Variants in MECOM observed in about 807,000 individuals in gnomAD.
MECOM encodes the protein histone-lysine N-methyltransferase MECOM.
MECOM carries 13 observed loss-of-function variants against 116.3 expected under a neutral mutation model. The ratio of observed to expected loss-of-function variants is 0.11; its 90% CI spans 0.07 to 0.18. MECOM has a LOEUF of 0.18. MECOM is among the 10% of genes least tolerant of loss of function. MECOM has a pLI of 1.00. For missense variants in MECOM, 1,299 were observed against 1,509.0 expected, an observed-to-expected ratio of 0.86 and a Z score of 2.31; for synonymous variants, 528 against 535.2, an observed-to-expected ratio of 0.99 and a Z score of 0.19.
chr3:169,564,289 G>A (rs1436020959), intron 1 of MECOM, among the ~76,000 whole-genome samples: 1 of 152,132 alleles, frequency 6.6e-6, no homozygotes, highest in Non-Finnish European at 1.5e-5. Context: ...CCATCTGAGA[G>A]TTAAACATTA....
At chr3:169,165,799 A>G (rs1743499588) in intron 2 of MECOM, among the ~76,000 whole-genome samples, 3 of 152,208 alleles carry the variant, frequency 2.0e-5, no homozygotes, top group Admixed American at 1.3e-4. Context: ...AAATTAAATT[A>G]TAACTGCTGA....
chr3:169,344,211 C>T (rs1724995129), intron 2 of MECOM, among the ~76,000 whole-genome samples: 1 of 151,992 alleles, frequency 6.6e-6, no homozygotes, highest in Non-Finnish European at 1.5e-5. Context: ...GGATGTGTGT[C>T]TATATCATGT....
chr3:169,426,882 C>T (rs1016266377), intron 1 of MECOM, among the ~76,000 whole-genome samples: 2 of 152,160 alleles, frequency 1.3e-5, no homozygotes, highest in Non-Finnish European at 2.9e-5. Flanking sequence ...TAATGAATGC[C>T]TACTATGTGC....
intron 1 of MECOM, among the ~76,000 whole-genome samples, chr3:169,481,326 G>A (rs1387861549): frequency 6.6e-6 from 1 of 152,176 alleles, no homozygotes; most frequent in Non-Finnish European, 1.5e-5. Flanking sequence ...GACGAGGCGG[G>A]TGGATCAATT....
chr3:169,242,479 T>A (rs1754993934), intron 2 of MECOM, among the ~76,000 whole-genome samples: 1 of 152,140 alleles, frequency 6.6e-6, no homozygotes, highest in Non-Finnish European at 1.5e-5. Flanking sequence ...TGCCTGCTAT[T>A]CTCCAAGGAG....
At chr3:169,100,101 C>CTTTTTTTTTTTTTTTTTTTT (rs869032341) in intron 12 of MECOM, among the ~76,000 whole-genome samples, 9 of 50,636 alleles carry the variant, frequency 1.8e-4, no homozygotes, top group Non-Finnish European at 2.5e-4. Flanking sequence ...TTCTTTCTTT[C>CTTTTTTTTTTTTTTTTTTTT]TTTTTTTTTT....
chr3:169,227,894 A>T (rs1190616705), intron 2 of MECOM, among the ~76,000 whole-genome samples: 1 of 152,170 alleles, frequency 6.6e-6, no homozygotes, highest in African/African-American at 2.4e-5. Flanking sequence ...CCCAAAACAA[A>T]GGGTGGGTAT....
chr3:169,310,028 C>A (rs1353477093), intron 2 of MECOM, among the ~76,000 whole-genome samples: 1 of 152,210 alleles, frequency 6.6e-6, no homozygotes, highest in Middle Eastern at 3.2e-3. Flanking sequence ...GGACCCTTTT[C>A]CCATTTTCTG....
chr3:169,312,307 A>T (rs1264711341), intron 2 of MECOM, among the ~76,000 whole-genome samples: 2 of 151,312 alleles, frequency 1.3e-5, no homozygotes, highest in East Asian at 1.9e-4. Flanking sequence ...AATTGATGTG[A>T]TTTGATGATT....
rs1017461229 is a variant in MECOM at position 169,365,774 on chromosome 3, C to G, written c.375+15413G>C. ...GTGGTCTCCCTGCCCTCTAAGCCCC[C>G]ACCTGTGCAAGTAAATGTGTATGCA... On this transcript the variant is annotated intron_variant, in intron 2 of 16. Coordinates refer to ENST00000651503, the MANE Select transcript of MECOM (RefSeq NM_004991.4). Among the ~76,000 whole-genome samples, 7 of 152,058 alleles carry G rather than the reference C, an allele frequency of 4.6e-5. No individual in the cohort carries two copies. The East Asian group carries it at 5.9e-4, about 13-fold the overall frequency.
intron 1 of MECOM, among the ~76,000 whole-genome samples, chr3:169,622,107 GAGA>G (rs1310299364): frequency 2.6e-5 from 4 of 152,124 alleles, no homozygotes; most frequent in African/African-American, 7.2e-5. Flanking sequence ...TTTGTTTTTT[GAGA>G]AGAAGTTTCA....
At position 169,107,750 on chromosome 3, in the gene MECOM, C is replaced by T. The variant is rs190436521; in HGVS notation, c.2604+176G>A. Reference sequence around the variant, plus strand: ...TAAACAATTTCTATCCCACTAAATGCCCAATTATAACTGAAAGAATGCAGC... The same window carrying T: ...TAAACAATTTCTATCCCACTAAATGTCCAATTATAACTGAAAGAATGCAGC... On this transcript the variant is annotated intron_variant, in intron 10 of 16. Transcript: ENST00000651503. 1.4e-3 allele frequency among the ~76,000 whole-genome samples: 207 copies of T among 152,230 alleles called. 1 individual carries two copies. The highest frequency in any genetic ancestry group is 3.9e-4 in the East Asian group (2 of 5,194).
intron 3 of MECOM, among the ~76,000 whole-genome samples, chr3:169,138,843 G>A (rs1186675148): frequency 6.6e-6 from 1 of 152,106 alleles, no homozygotes; most frequent in Admixed American, 6.6e-5. Context: ...ATGCAGGAAA[G>A]TGGATTTTTT....
intron 1 of MECOM, among the ~76,000 whole-genome samples, chr3:169,555,258 A>C (rs1761889028): frequency 1.3e-5 from 2 of 152,228 alleles, no homozygotes. Flanking sequence ...AATATGGGCC[A>C]GGCACTCTGC....
intron 2 of MECOM, among the ~76,000 whole-genome samples, chr3:169,369,342 C>CTTTTTTTTTTTTTTT (rs10661629): frequency 2.3e-5 from 2 of 86,962 alleles, no homozygotes; most frequent in African/African-American, 5.0e-5. Context: ...TGATTGCAGC[C>CTTTTTTTTTTTTTTT]TTTTTTTTTT....
chr3:169,442,261 A>G (rs532536352), intron 1 of MECOM, among the ~76,000 whole-genome samples: 1 of 152,240 alleles, frequency 6.6e-6, no homozygotes, highest in Admixed American at 6.5e-5. Context: ...GGGTTTCACC[A>G]TGTTGTCCAG....
rs113343771 is a variant in MECOM, at chr3:169,187,139, A to G, written c.376-43307T>C. On this transcript the variant is annotated intron_variant, in intron 2 of 16. Coordinates refer to ENST00000651503, the MANE Select transcript of MECOM (RefSeq NM_004991.4). ...CATTATGATGCTTTTCATAGTCTTC[A>G]ATGGGGACTACTACCTGGAAAATCA... 6.7e-3 allele frequency among the ~76,000 whole-genome samples: 1,014 copies of G among 152,250 alleles called. 11 individuals carry two copies. The highest frequency in any genetic ancestry group is 0.022 in the African/African-American group (907 of 41,556).
chr3:169,254,040 A>T (rs1362008195), intron 2 of MECOM, among the ~76,000 whole-genome samples: 1 of 152,158 alleles, frequency 6.6e-6, no homozygotes, highest in African/African-American at 2.4e-5. Context: ...CCTAACAATC[A>T]TGTGATGCCC....
Position 169,143,737 on chromosome 3 carries a change from A to G in MECOM, c.471T>C (p.Tyr157=), listed in dbSNP as rs990388026. 1 of 1,611,982 alleles carries G rather than the reference A, an allele frequency of 6.2e-7. No individual in the cohort carries two copies. The highest frequency in any genetic ancestry group is 8.5e-7 in the Non-Finnish European group (1 of 1,178,992). ...WLKYIRFAGC[Y]DQHNLVACQI... is the part of the protein sequence containing the mutation. ...GGCATGCAACAAGGTTGTGCTGATC[A>G]TAACAGCCAGCGAATCTAATGTACT... Residue 157 remains tyrosine, a synonymous_variant, in exon 3 of 17, where the codon TAT becomes TAC. Transcript: ENST00000651503.
Sources: gnomAD v4.1 joint callset for allele counts (sites outside exome capture counted in the v4.1 genomes callset) on GRCh38, gnomAD v4.1.1 for gene constraint, MANE v1.5 for transcripts, NCBI Gene and HGNC (gene_info 2026-07-23, HGNC 2026-07-21) for gene names.